Variants in RABEP1 observed in about 807,000 individuals in gnomAD.
The protein encoded by RABEP1 is rabaptin, RAB GTPase binding effector protein 1, also known as rab GTPase-binding effector protein 1.
RABEP1 carries 51 observed loss-of-function variants against 123.4 expected under a neutral mutation model. The observed-to-expected ratio is 0.41, with a 90% CI of 0.33 to 0.52. The LOEUF is 0.52. Among genes scored for constraint, RABEP1 ranks in the 20% least tolerant of loss-of-function variants. The pLI, the probability that RABEP1 is intolerant of heterozygous loss-of-function variation, is 0.16. For synonymous variants in RABEP1, 347 were observed against 355.2 expected (o/e 0.98, Z 0.26); for missense variants, 888 against 996.3 (o/e 0.89, Z 1.46).
chr17:5,308,469 G>A lies in RABEP1; in HGVS notation c.35-225G>A, dbSNP rs1264408495. Among the ~76,000 whole-genome samples, 8 of 152,106 alleles carry A rather than the reference G, an allele frequency of 5.3e-5. No individual in the cohort carries two copies. In the East Asian group the frequency reaches 5.8e-4, roughly 11 times the overall value. ...TCGAACTCCTGACCTCGGGTGATCC[G>A]CCCGCCTCGGCCTCCCAAAGTGCTG... On this transcript the variant is annotated intron_variant, in intron 1 of 17. Coordinates refer to ENST00000537505, the MANE Select transcript of RABEP1 (RefSeq NM_004703.6).
At chr17:5,289,648 A>G (rs2075013995) in intron 1 of RABEP1, among the ~76,000 whole-genome samples, 1 of 152,196 alleles carries the variant, frequency 6.6e-6, no homozygotes, top group South Asian at 2.1e-4. Context: ...GACAAAAGAA[A>G]ACCCTAAAGA....
chr17:5,380,707 T>C (rs1333703864), intron 16 of RABEP1, among the ~76,000 whole-genome samples: 3 of 152,230 alleles, frequency 2.0e-5, no homozygotes, highest in Non-Finnish European at 4.4e-5. Flanking sequence ...GTCAGGGCCA[T>C]TGACCAAGCC....
chr17:5,375,244 A>G (rs548244378), intron 13 of RABEP1, among the ~76,000 whole-genome samples: 1 of 149,584 alleles, frequency 6.7e-6, no homozygotes, highest in East Asian at 2.0e-4. Flanking sequence ...TTTTATGTTT[A>G]TTTCATCATT....
intron 2 of RABEP1, among the ~76,000 whole-genome samples, chr17:5,322,297 G>T (rs918605545): frequency 1.3e-5 from 2 of 152,132 alleles, no homozygotes; most frequent in African/African-American, 4.8e-5. Flanking sequence ...GTTTGAGGTT[G>T]CAGTGAGCTA....
At chr17:5,363,564 G>C (rs928426710) in intron 10 of RABEP1, among the ~76,000 whole-genome samples, 1 of 152,068 alleles carries the variant, frequency 6.6e-6, no homozygotes, top group Non-Finnish European at 1.5e-5. Context: ...AACTCTTAAA[G>C]GGACACTACC....
At chr17:5,325,956 G>A (rs1294539232) in intron 2 of RABEP1, among the ~76,000 whole-genome samples, 2 of 152,198 alleles carry the variant, frequency 1.3e-5, no homozygotes, top group Non-Finnish European at 2.9e-5. Context: ...AAGATTATTA[G>A]ACTGTGAGAA....
chr17:5,372,418 T>C (rs1910593598), intron 12 of RABEP1, among the ~76,000 whole-genome samples: 1 of 152,142 alleles, frequency 6.6e-6, no homozygotes, highest in African/African-American at 2.4e-5. Flanking sequence ...ACCACTGCAT[T>C]CCAGCCTGGG....
At chr17:5,325,412 T>C (rs1483584263) in intron 2 of RABEP1, among the ~76,000 whole-genome samples, 1 of 151,822 alleles carries the variant, frequency 6.6e-6, no homozygotes, top group Non-Finnish European at 1.5e-5. Context: ...TTATGTTAAA[T>C]GAAATAAGCC....
intron 16 of RABEP1, 80 bp downstream of exon 16, chr17:5,380,542 T>G (rs1301234691): frequency 8.5e-7 from 1 of 1,174,510 alleles, no homozygotes; most frequent in Non-Finnish European, 1.2e-6. Context: ...GAAAAAAAAA[T>G]ATTGGTGCTT....
chr17:5,329,822 T>TC (rs1906355945), intron 2 of RABEP1, among the ~76,000 whole-genome samples: 1 of 49,634 alleles, frequency 2.0e-5, no homozygotes, highest in African/African-American at 9.5e-5. Context: ...TATGTTCATA[T>TC]ATATATATAT....
rs143523975 is a variant in RABEP1, at chr17:5,380,847, G to C, written c.2370+385G>C. Among the ~76,000 whole-genome samples, 568 of 152,326 alleles carry C rather than the reference G, an allele frequency of 3.7e-3. 1 individual carries two copies. Among genetic ancestry groups the C allele is most frequent in the African/African-American group, 0.013 (545 of 41,568 alleles). On this transcript the variant is annotated intron_variant, in intron 16 of 17. Coordinates refer to ENST00000537505, the MANE Select transcript of RABEP1 (RefSeq NM_004703.6). ...TTTGATGAGTTCCGTTAGAATAAAC[G>C]TGCATGTTGTGGGGGTAGTTTCCTA...
intron 1 of RABEP1, chr17:5,284,166 C>T (rs2074955092): frequency 6.6e-6 from 1 of 152,162 alleles, no homozygotes; most frequent in Non-Finnish European, 1.5e-5. Context: ...ATCAAAATTC[C>T]CTGCCTCTTT....
chr17:5,380,068 G>A (rs1911324018), intron 15 of RABEP1, among the ~76,000 whole-genome samples: 1 of 152,198 alleles, frequency 6.6e-6, no homozygotes, highest in Non-Finnish European at 1.5e-5. Context: ...CCTCTAGGAA[G>A]TCCTTTGTAA....
At chr17:5,287,167 G>A (rs2467301) in intron 1 of RABEP1, among the ~76,000 whole-genome samples, 55,951 of 152,064 alleles carry the variant, frequency 0.37, 12,518 homozygotes, top group Non-Finnish European at 0.51. Flanking sequence ...GGCCCTAGAA[G>A]TATTGCAAAG....
chr17:5,319,920 G>A (rs535637426), intron 2 of RABEP1, among the ~76,000 whole-genome samples: 135 of 152,256 alleles, frequency 8.9e-4, no homozygotes, highest in Non-Finnish European at 1.6e-3. Flanking sequence ...AGAATTGTTG[G>A]TCTTCAAGAG....
At chr17:5,365,012 C>T (rs1435484438) in intron 10 of RABEP1, 110 bp from the exon 11 acceptor site, 1 of 669,244 alleles carries the variant, frequency 1.5e-6, no homozygotes, top group African/African-American at 1.9e-5. Flanking sequence ...TGTGGTGTTT[C>T]CCAGAAAAAG....
chr17:5,304,119 A>C (rs1363828468), intron 1 of RABEP1, among the ~76,000 whole-genome samples: 2 of 152,134 alleles, frequency 1.3e-5, no homozygotes, highest in African/African-American at 4.8e-5. Flanking sequence ...AGTCTTAGAA[A>C]TATTTTAAGT....
At chr17:5,346,214 T>A (rs1769965362) in intron 5 of RABEP1, among the ~76,000 whole-genome samples, 1 of 152,156 alleles carries the variant, frequency 6.6e-6, no homozygotes, top group Non-Finnish European at 1.5e-5. Context: ...AAGATGTGAT[T>A]TTAAAAAGTA....
chr17:5,373,371 GATA>G lies in RABEP1; in HGVS notation c.1945_1947del (p.Asn649del). 1 of 1,613,362 alleles carries G rather than the reference GATA, an allele frequency of 6.2e-7. No individual in the cohort carries two copies. Among genetic ancestry groups the G allele is most frequent in the Non-Finnish European group, 8.5e-7 (1 of 1,179,918 alleles). ...AGAAGAGCTGGTGAGGTTACAGAAA[GATA>G]ATGACAGTCTCCAGGGAAAGCACAG... On this transcript the variant is annotated inframe_deletion, in exon 13 of 18. Coordinates refer to ENST00000537505, the MANE Select transcript of RABEP1 (RefSeq NM_004703.6).
Sources: allele counts gnomAD v4.1 joint callset (sites outside exome capture counted in the v4.1 genomes callset), GRCh38; gene constraint gnomAD v4.1.1; transcripts MANE v1.5; gene names NCBI Gene and HGNC (gene_info 2026-07-23, HGNC 2026-07-21).